PTCH1: variants seen among roughly 807,000 people sequenced by gnomAD.
PTCH1 encodes protein patched homolog 1.
In PTCH1, 14 loss-of-function variants were observed where a neutral mutation model predicts 144.6. The ratio of observed to expected loss-of-function variants is 0.10; its 90% CI spans 0.06 to 0.15. The LOEUF (loss-of-function observed/expected upper bound fraction) is 0.15. Among genes scored for constraint, PTCH1 ranks in the 10% least tolerant of loss-of-function variants. The probability of loss-of-function intolerance (pLI) is 1.00; values close to 1 mark genes in which losing one functional copy is unlikely to be tolerated. For synonymous variants in PTCH1, 833 were observed against 793.6 expected (o/e 1.05, Z -0.83); for missense variants, 1,623 against 1,948.3 (o/e 0.83, Z 3.14).
chr9:95,505,973 A>G (rs1587690797), intron 2 of PTCH1, among the ~76,000 whole-genome samples: 1 of 135,394 alleles, frequency 7.4e-6, no homozygotes. Context: ...GCTCTCCCCG[A>G]CTCCTTTTTC....
At chr9:95,480,936 A>G (rs1047643573) in intron 5 of PTCH1, among the ~76,000 whole-genome samples, 10 of 152,108 alleles carry the variant, frequency 6.6e-5, no homozygotes, top group African/African-American at 2.4e-4. Flanking sequence ...AGAGGGCGTC[A>G]CAATATCAAA....
At chr9:95,502,894 C>T (rs562738556) in intron 2 of PTCH1, among the ~76,000 whole-genome samples, 187 of 152,236 alleles carry the variant, frequency 1.2e-3, no homozygotes, top group African/African-American at 4.2e-3. Flanking sequence ...CGAGTGGATC[C>T]CTTTAATTTG....
In PTCH1 at chr9:95,449,673, T is replaced by C; in HGVS notation, c.3549+168A>G. 2.6e-6 allele frequency: 2 copies of C among 763,236 alleles called. No individual in the cohort carries two copies. Among genetic ancestry groups the C allele is most frequent in the East Asian group, 2.7e-5 (1 of 37,262 alleles). 47.3% of individuals were successfully genotyped at this position (763,236 alleles called of 1,614,324 possible). A position where few individuals can be genotyped will look rare whatever the true frequency, so the allele number is the denominator to read the frequency against. The stretch of plus-strand genomic sequence containing the variant: ...GAGGAACCAAACCGAACCCGCCCTC[T>C]AGCCCTCAAAGCCAGTACACCGAAG... On this transcript the variant is annotated intron_variant, in intron 21 of 23. Coordinates refer to ENST00000331920, the MANE Select transcript of PTCH1 (RefSeq NM_000264.5). The surrounding 1 kb of genome is among the most constrained non-coding windows in gnomAD (Gnocchi z 5.3).
Position 95,476,924 on chromosome 9 carries a change from G to T in PTCH1, c.1504-67C>A. 1 of 1,463,226 alleles carries T rather than the reference G, an allele frequency of 6.8e-7. No homozygotes were observed. Among genetic ancestry groups the T allele is most frequent in the East Asian group, 2.4e-5 (1 of 41,666 alleles). 90.6% of individuals were successfully genotyped at this position (1,463,226 alleles called of 1,614,324 possible). Reference sequence around the variant, plus strand: ...TGCAATTCAGATGATTCTAAAGCTAGTTAGGACTCTGCCACCAGCACCTAA... The same window carrying T: ...TGCAATTCAGATGATTCTAAAGCTATTTAGGACTCTGCCACCAGCACCTAA... On this transcript the variant is annotated intron_variant, in intron 10 of 23. Coordinates refer to ENST00000331920, the MANE Select transcript of PTCH1 (RefSeq NM_000264.5). The surrounding 1 kb of genome is among the most constrained non-coding windows in gnomAD (Gnocchi z 4.6).
At position 95,444,168 on chromosome 9, in the gene PTCH1, TAAAAG is replaced by T. The variant is rs991202766; in HGVS notation, c.*2220_*2224del. The T allele has an allele frequency of 5.9e-5, 9 of 151,588 alleles. No homozygotes were observed. The highest frequency in any genetic ancestry group is 1.0e-4 in the Non-Finnish European group (7 of 67,894). The allele number at this position is 151,588 out of a possible 1,614,324, so 9.4% of individuals were successfully genotyped here. A position where few individuals can be genotyped will look rare whatever the true frequency, so the allele number is the denominator to read the frequency against. On this transcript the variant is annotated 3_prime_UTR_variant, in exon 24 of 24. Coordinates refer to ENST00000331920, the MANE Select transcript of PTCH1 (RefSeq NM_000264.5). ...AACAGGACAGACAAAATAAAACTAT[TAAAAG>T]AGAGAGAGAAATTCTAATTCCCTGC...
chr9:95,508,021 T>G, intron 1 of PTCH1, 140 bp downstream of exon 1: 1 of 1,529,112 alleles, frequency 6.5e-7, no homozygotes. Flanking sequence ...GTCTGCTGCT[T>G]TTCCTGGAGA....
chr9:95,470,640 C>T (rs995136375), intron 12 of PTCH1, among the ~76,000 whole-genome samples: 1 of 152,082 alleles, frequency 6.6e-6, no homozygotes, highest in Admixed American at 6.5e-5. Context: ...GTAAAAATTA[C>T]AAAATTGGGC....
At chr9:95,470,053 A>C (rs1039684638) in intron 12 of PTCH1, 122 bp from the exon 13 acceptor site, 2 of 778,314 alleles carry the variant, frequency 2.6e-6, no homozygotes, top group Non-Finnish European at 4.5e-6. Context: ...AAGCATTTGA[A>C]ACCGTGACAG....
chr9:95,445,920 C>T lies in PTCH1; in HGVS notation c.*473G>A, dbSNP rs1176143311. 1 of 158,520 alleles carries T rather than the reference C, an allele frequency of 6.3e-6. No homozygotes were observed. Among genetic ancestry groups the T allele is most frequent in the Non-Finnish European group, 1.4e-5 (1 of 71,358 alleles). The allele number at this position is 158,520 out of a possible 1,614,324, so 9.8% of individuals were successfully genotyped here. ...AAGTTAACAGTAACATTTCATACTA[C>T]CACAGGGTTGTGATATGCAAATTTA... is the stretch of plus-strand genomic sequence containing the variant. On this transcript the variant is annotated 3_prime_UTR_variant, in exon 24 of 24. Coordinates refer to ENST00000331920, the MANE Select transcript of PTCH1 (RefSeq NM_000264.5).
chr9:95,458,035 T>C lies in PTCH1; in HGVS notation c.3146A>G (p.Asn1049Ser). Residue 1049 changes from asparagine (N) to serine (S), a missense_variant, in exon 18 of 24, where the codon AAC (asparagine) becomes AGC (serine). Transcript: ENST00000331920. The surrounding 1 kb of genome is among the most constrained non-coding windows in gnomAD (Gnocchi z 4.7). ...TFLVCAVFLL[N>S]PWTAGIIVMV... ...CACAATGATCCCGGCCGTCCAGGGG[T>C]TCAGAAGGAAGACAGCGCACACGAG... 1 of 1,613,514 alleles carries C rather than the reference T, an allele frequency of 6.2e-7. No individual in the cohort carries two copies. The highest frequency in any genetic ancestry group is 8.5e-7 in the Non-Finnish European group (1 of 1,179,956).
chr9:95,477,827 T>G, intron 9 of PTCH1, 125 bp from the exon 10 acceptor site: 1 of 1,482,934 alleles, frequency 6.7e-7, no homozygotes, highest in Non-Finnish European at 9.2e-7. Context: ...CAACAAAACT[T>G]TACATCAAGG....
At chr9:95,481,803 G>T in intron 5 of PTCH1, 146 bp downstream of exon 5, 1 of 781,106 alleles carries the variant, frequency 1.3e-6, no homozygotes. Context: ...CCTCTCCCCC[G>T]ACTATTCACT....
chr9:95,480,872 T>C (rs1490158869), intron 5 of PTCH1, among the ~76,000 whole-genome samples: 1 of 151,886 alleles, frequency 6.6e-6, no homozygotes, highest in Non-Finnish European at 1.5e-5. Flanking sequence ...AATATCTACA[T>C]ACAAAATTAG....
rs977358021 is a variant in PTCH1 at position 95,479,062 on chromosome 9, T to C, written c.1153A>G (p.Ile385Val). The change falls in exon 8 of 24, where the codon ATC (isoleucine) becomes GTC (valine). Residue 385 changes from isoleucine to valine, a missense_variant. Ile to Val is a conservative substitution (Grantham distance 29). Around this residue, in one of 7 missense-constraint regions of PTCH1, gnomAD observed 230 missense variants for 271.0 expected, o/e 0.85. Coordinates refer to ENST00000331920, the MANE Select transcript of PTCH1 (RefSeq NM_000264.5). ...GCCGCTTTGTCCTCGTTCCAGTTGA[T>C]GTGTGAGACATACTCGTACCCCTTG... The part of the protein sequence containing the change: ...HFKGYEYVSH[I>V]NWNEDKAAAI... The C allele has an allele frequency of 5.0e-6, 8 of 1,614,078 alleles. No homozygotes were observed. The highest frequency in any genetic ancestry group is 6.8e-6 in the Non-Finnish European group (8 of 1,180,054).
At chr9:95,450,123 C>T in intron 20 of PTCH1, 183 bp from the exon 21 acceptor site, 2 of 656,666 alleles carry the variant, frequency 3.0e-6, no homozygotes, top group South Asian at 3.5e-5. Context: ...TGTTTCTTTA[C>T]CTTATGACTT....
chr9:95,506,635 G>C (rs769516339), intron 1 of PTCH1, 36 bp from the exon 2 acceptor site: 31 of 1,489,984 alleles, frequency 2.1e-5, no homozygotes, highest in Non-Finnish European at 2.8e-5. Context: ...TGAGCGCCGG[G>C]GAGTCGCGGC....
At chr9:95,472,927 G>A (rs1450387303) in intron 12 of PTCH1, among the ~76,000 whole-genome samples, 1 of 152,238 alleles carries the variant, frequency 6.6e-6, no homozygotes, top group African/African-American at 2.4e-5. Flanking sequence ...TGATGGGGAT[G>A]ATACTGCAAC....
rs376799601 is a variant in PTCH1, at chr9:95,467,347, G to A, written c.2329C>T (p.Leu777Phe). Residue 777 changes from leucine (L) to phenylalanine (F), a missense_variant, in exon 15 of 24, where the codon CTT (leucine) becomes TTT (phenylalanine). This residue lies in a region of PTCH1 where 504 missense variants were observed against 679.3 expected (regional missense o/e 0.74). Transcript: ENST00000331920. The part of the protein sequence containing the change: ...GTTRVRDGLD[L>F]TDIVPRETRE... ...GTTTCCCGAGGTACAATGTCCGTAAGGTCCAGCCCGTCTCTCACTCGGGTG... is the reference window on the plus strand; with the variant it reads ...GTTTCCCGAGGTACAATGTCCGTAAAGTCCAGCCCGTCTCTCACTCGGGTG... 2 of 1,614,204 alleles carry A rather than the reference G, an allele frequency of 1.2e-6. No homozygotes were observed. Among genetic ancestry groups the A allele is most frequent in the African/African-American group, 1.3e-5 (1 of 75,046 alleles).
rs776103507 is a variant in PTCH1 at position 95,482,215 on chromosome 9, AAAAGC to A, written c.585-17_585-13del. On this transcript the variant is annotated splice_polypyrimidine_tract_variant and intron_variant, in intron 3 of 23. Coordinates refer to ENST00000331920, the MANE Select transcript of PTCH1 (RefSeq NM_000264.5). ...CCAATTTCCACTGCCTAATAAAATGAAAAGCAGAGACAAAAATTTCTCACTGTAAT... is the reference window on the plus strand; with the variant it reads ...CCAATTTCCACTGCCTAATAAAATGAAGAGACAAAAATTTCTCACTGTAAT... 13 of 1,612,492 alleles carry A rather than the reference AAAAGC, an allele frequency of 8.1e-6. No homozygotes were observed. The highest frequency in any genetic ancestry group is 9.3e-6 in the Non-Finnish European group (11 of 1,178,822).
Sources: allele counts gnomAD v4.1 joint callset (sites outside exome capture counted in the v4.1 genomes callset), GRCh38; gene constraint gnomAD v4.1.1; regional missense constraint gnomAD v4.1.1; non-coding constraint Gnocchi (gnomAD v3.1); transcripts MANE v1.5; gene names NCBI Gene and HGNC (gene_info 2026-07-23, HGNC 2026-07-21).